The following CAMSAP3 variants were observed in gnomAD, a reference collection of about 807,000 sequenced individuals.
CAMSAP3 encodes calmodulin-regulated spectrin-associated protein 3.
Under a neutral mutation model 112.5 loss-of-function variants are expected in CAMSAP3, and 34 were observed. The ratio of observed to expected loss-of-function variants is 0.30; its 90% CI spans 0.23 to 0.40. The LOEUF is 0.40. Ranked by LOEUF, CAMSAP3 falls within the 10% of genes least tolerant of loss-of-function variation. The pLI is 1.00. For synonymous variants in CAMSAP3, 868 were observed against 799.8 expected (o/e 1.09, Z -1.44); for missense variants, 1,602 against 1,770.3 (o/e 0.90, Z 1.71).
chr19:7,616,600 G>C lies in CAMSAP3; in HGVS notation c.3190G>C (p.Gly1064Arg). ...TVANEAHNNL[G>R]VKRPTSRAPS... is the part of the protein sequence containing the mutation. ...GGCCAACGAGGCCCACAATAACCTC[G>C]GGGTGAAGAGGCCCACGTCTCGGTG... Residue 1064 changes from glycine (G) to arginine (R), a missense_variant, in exon 14 of 17, where the codon GGG becomes CGG. By Grantham distance (125) the Gly-to-Arg change is moderately radical (BLOSUM62 -2). This residue lies in a region of CAMSAP3 where 1,100 missense variants were observed against 1,135.7 expected (regional missense o/e 0.97). Transcript: ENST00000160298. The C allele has an allele frequency of 6.2e-7, 1 of 1,609,734 alleles. No individual in the cohort carries two copies. Among genetic ancestry groups the C allele is most frequent in the Non-Finnish European group, 8.5e-7 (1 of 1,179,430 alleles).
intron 11 of CAMSAP3, among the ~76,000 whole-genome samples, chr19:7,613,546 GGTTT>G: frequency 6.6e-6 from 1 of 151,622 alleles, no homozygotes; most frequent in East Asian, 1.9e-4. Context: ...GGGGGTGAGG[GGTTT>G]CCAGTGGGGG....
chr19:7,606,595 C>T (rs1189400999), intron 4 of CAMSAP3, 24 bp downstream of exon 4: 2 of 1,518,884 alleles, frequency 1.3e-6, no homozygotes, highest in Admixed American at 4.0e-5. Flanking sequence ...ATAGAACCGT[C>T]AGAAGGATGG....
intron 14 of CAMSAP3, among the ~76,000 whole-genome samples, chr19:7,616,885 G>C (rs915121413): frequency 1.3e-5 from 2 of 151,708 alleles, no homozygotes; most frequent in Non-Finnish European, 2.9e-5. Flanking sequence ...GCATGGACTT[G>C]GGAGGGTGTG....
rs764913923 is a variant in CAMSAP3 at position 7,605,406 on chromosome 19, G to T, written c.329G>T (p.Arg110Leu). 13 of 1,521,154 alleles carry T rather than the reference G, an allele frequency of 8.5e-6. No homozygotes were observed. Among genetic ancestry groups the T allele is most frequent in the Non-Finnish European group, 1.1e-5 (12 of 1,129,868 alleles). The allele number at this position is 1,521,154 out of a possible 1,614,324, so 94.2% of individuals were successfully genotyped here. A position where few individuals can be genotyped will look rare whatever the true frequency, so the allele number is the denominator to read the frequency against. ...NPSALLALLA[R>L]RGTVPALPER... ...TCTGCACTGCTGGCCCTGCTGGCGCGGAGGGGCACAGTGCCTGCTTTGCCC... is the reference window on the plus strand; with the variant it reads ...TCTGCACTGCTGGCCCTGCTGGCGCTGAGGGGCACAGTGCCTGCTTTGCCC... Residue 110 changes from arginine (R) to leucine (L), a missense_variant, in exon 2 of 17, where the codon CGG becomes CTG. By Grantham distance (102) the Arg-to-Leu change is moderately radical. Coordinates refer to ENST00000160298, the MANE Select transcript of CAMSAP3 (RefSeq NM_020902.2).
Position 7,616,636 on chromosome 19 carries a change from G to A in CAMSAP3, c.3212+14G>A, listed in dbSNP as rs750599994. ...GCCCACGTCTCGGTGAGTTTAGCCC[G>A]CACAGGCGGGGTTCGTATGCCGGGT... On this transcript the variant is annotated intron_variant, in intron 14 of 16. Coordinates refer to ENST00000160298, the MANE Select transcript of CAMSAP3 (RefSeq NM_020902.2). 1.1e-5 allele frequency: 17 copies of A among 1,586,336 alleles called. No individual in the cohort carries two copies. The highest frequency in any genetic ancestry group is 4.4e-5 in the South Asian group (4 of 90,658).
At chr19:7,601,927 G>T (rs560906458) in intron 1 of CAMSAP3, among the ~76,000 whole-genome samples, 1 of 151,964 alleles carries the variant, frequency 6.6e-6, no homozygotes, top group East Asian at 1.9e-4. Flanking sequence ...AGCCGGGCAT[G>T]GTGGTGCACG....
chr19:7,613,131 G>A lies in CAMSAP3; in HGVS notation c.2638G>A (p.Glu880Lys). ...SLEEEASSEG[E>K]PRVGLGFFYK... ...GGAGGAGGAGGCGTCTTCGGAGGGGGAGCCCCGGGTGGGGCTGGGGTTCTT... is the reference window on the plus strand; with the variant it reads ...GGAGGAGGAGGCGTCTTCGGAGGGGAAGCCCCGGGTGGGGCTGGGGTTCTT... The change falls in exon 11 of 17, where the codon GAG becomes AAG. Residue 880 changes from glutamate (E) to lysine (K), a missense_variant. Physicochemically the swap from Glu to Lys is moderately conservative, Grantham distance 56. Transcript: ENST00000160298. 1 of 1,543,012 alleles carries A rather than the reference G, an allele frequency of 6.5e-7. No individual in the cohort carries two copies. The highest frequency in any genetic ancestry group is 8.7e-7 in the Non-Finnish European group (1 of 1,143,910).
At chr19:7,596,257 A>C in intron 1 of CAMSAP3, 107 bp downstream of exon 1, 25 of 484,908 alleles carry the variant, frequency 5.2e-5, no homozygotes, top group Non-Finnish European at 5.9e-5. Context: ...TGGGAACAAT[A>C]GCGCCGGCCG....
intron 1 of CAMSAP3, among the ~76,000 whole-genome samples, chr19:7,601,756 T>TA (rs1568439444): frequency 6.2e-5 from 7 of 112,882 alleles, no homozygotes; most frequent in African/African-American, 2.0e-4. Context: ...ATAAAATAAA[T>TA]GAATAAATAA....
chr19:7,614,636 C>G (rs538482790), intron 11 of CAMSAP3: 1 of 157,864 alleles, frequency 6.3e-6, no homozygotes, highest in East Asian at 1.9e-4. Flanking sequence ...CCGCGTCTGG[C>G]CTGTACTCAC....
chr19:7,613,476 T>G (rs2030618438), intron 11 of CAMSAP3, among the ~76,000 whole-genome samples: 1 of 121,754 alleles, frequency 8.2e-6, no homozygotes, highest in Non-Finnish European at 1.7e-5. Context: ...GCTGTGGGGG[T>G]GCAGTGGGGT....
Position 7,605,399 on chromosome 19 carries a change from C to T in CAMSAP3, c.322C>T (p.Leu108=), listed in dbSNP as rs776214414. The T allele has an allele frequency of 2.6e-6, 4 of 1,533,780 alleles. No homozygotes were observed. The Admixed American group carries it at 8.2e-5, about 31-fold the overall frequency. ...CAACCCCTCTGCACTGCTGGCCCTG[C>T]TGGCGCGGAGGGGCACAGTGCCTGC... ...PPNPSALLAL[L]ARRGTVPALP... The change falls in exon 2 of 17, where the codon CTG becomes TTG. Residue 108 remains leucine, a synonymous_variant. Coordinates refer to ENST00000160298, the MANE Select transcript of CAMSAP3 (RefSeq NM_020902.2).
chr19:7,602,135 C>T (rs1365395173), intron 1 of CAMSAP3, among the ~76,000 whole-genome samples: 1 of 152,094 alleles, frequency 6.6e-6, no homozygotes, highest in Non-Finnish European at 1.5e-5. Flanking sequence ...ATGATTTTGA[C>T]ACTTAATTGA....
intron 14 of CAMSAP3, among the ~76,000 whole-genome samples, chr19:7,616,945 T>TTTGTTTTG (rs1555763660): frequency 7.6e-6 from 1 of 131,586 alleles, no homozygotes; most frequent in African/African-American, 2.8e-5. Context: ...TTTTTTTTTT[T>TTTGTTTTG]TTTTTTTTTT....
chr19:7,604,212 C>T (rs568489321), intron 1 of CAMSAP3, among the ~76,000 whole-genome samples: 12 of 152,214 alleles, frequency 7.9e-5, no homozygotes, highest in South Asian at 4.2e-4. Context: ...ACCTCTTCCC[C>T]GACCCCTGCC....
chr19:7,603,279 A>T (rs1343544850), intron 1 of CAMSAP3, among the ~76,000 whole-genome samples: 1 of 150,920 alleles, frequency 6.6e-6, no homozygotes, highest in East Asian at 1.9e-4. Context: ...CAGTGGCGCA[A>T]TCTCAGCTGG....
chr19:7,603,424 A>C (rs2030059803), intron 1 of CAMSAP3, among the ~76,000 whole-genome samples: 1 of 152,088 alleles, frequency 6.6e-6, no homozygotes, highest in Non-Finnish European at 1.5e-5. Context: ...CATGTTGACA[A>C]GGCTGGTCTT....
intron 5 of CAMSAP3, among the ~76,000 whole-genome samples, chr19:7,609,248 G>T (rs1203618925): frequency 6.6e-6 from 1 of 150,862 alleles, no homozygotes; most frequent in African/African-American, 2.4e-5. Context: ...AACCCAGGAA[G>T]TGGAGGTTGC....
chr19:7,607,937 C>A lies in CAMSAP3; in HGVS notation c.622-189C>A. The A allele has an allele frequency of 1.2e-6, 1 of 841,284 alleles. No homozygotes were observed. Among genetic ancestry groups the A allele is most frequent in the Non-Finnish European group, 2.0e-6 (1 of 503,890 alleles). The allele number at this position is 841,284 out of a possible 1,614,324, so 52.1% of individuals were successfully genotyped here. A position where few individuals can be genotyped will look rare whatever the true frequency, so the allele number is the denominator to read the frequency against. ...AGCCCCCGCTGCTGGCCTGGCTGCT[C>A]GAAGACATCTCCTCTGCCTCTTGCT... On this transcript the variant is annotated intron_variant, in intron 4 of 16. Coordinates refer to ENST00000160298, the MANE Select transcript of CAMSAP3 (RefSeq NM_020902.2). This position sits in a 1 kb window ranked among gnomAD's most constrained non-coding sequence, Gnocchi z 4.9.
Sources: allele counts gnomAD v4.1 joint callset (sites outside exome capture counted in the v4.1 genomes callset), GRCh38; gene constraint gnomAD v4.1.1; regional missense constraint gnomAD v4.1.1; non-coding constraint Gnocchi (gnomAD v3.1); transcripts MANE v1.5; gene names NCBI Gene and HGNC (gene_info 2026-07-23, HGNC 2026-07-21).